The following SLC35A5 variants were observed in gnomAD, a reference collection of about 807,000 sequenced individuals.
SLC35A5 encodes the protein solute carrier family 35 member A5, also known as UDP-sugar transporter protein SLC35A5.
A neutral mutation model predicts 36.3 loss-of-function variants in SLC35A5; 28 were observed. That is an observed-to-expected ratio of 0.77 (90% CI 0.57 to 1.06). SLC35A5 has a LOEUF of 1.06. Among genes scored for constraint, SLC35A5 ranks in the 50% least tolerant of loss-of-function variants. The probability of loss-of-function intolerance (pLI) is 0.00; values close to 1 mark genes in which losing one functional copy is unlikely to be tolerated. For synonymous variants in SLC35A5, 180 were observed against 173.7 expected, an observed-to-expected ratio of 1.04 and a Z score of -0.29; for missense variants, 521 against 499.3, an observed-to-expected ratio of 1.04 and a Z score of -0.41.
intron 5 of SLC35A5, among the ~76,000 whole-genome samples, chr3:112,574,669 T>G (rs1934593118): frequency 7.6e-6 from 1 of 132,234 alleles, no homozygotes; most frequent in South Asian, 2.3e-4. Context: ...ATTAGATTTG[T>G]TTTTTTTAAA....
intron 5 of SLC35A5, among the ~76,000 whole-genome samples, chr3:112,579,731 A>C (rs1313895979): frequency 6.6e-6 from 1 of 152,146 alleles, no homozygotes; most frequent in Non-Finnish European, 1.5e-5. Flanking sequence ...ACACATACTG[A>C]AATCATTTAG....
At chr3:112,565,586 T>A (rs1934159284) in intron 2 of SLC35A5, among the ~76,000 whole-genome samples, 1 of 152,172 alleles carries the variant, frequency 6.6e-6, no homozygotes, top group Admixed American at 6.5e-5. Flanking sequence ...GAGACCAGGC[T>A]GGCCAACATG....
At position 112,582,908 on chromosome 3, in the gene SLC35A5, G is replaced by C; in HGVS notation, c.*172G>C. 1 of 531,326 alleles carries C rather than the reference G, an allele frequency of 1.9e-6. No homozygotes were observed. The highest frequency in any genetic ancestry group is 3.3e-6 in the Non-Finnish European group (1 of 303,594). The allele number at this position is 531,326 out of a possible 1,614,324, so 32.9% of individuals were successfully genotyped here. On this transcript the variant is annotated 3_prime_UTR_variant, in exon 7 of 7. Coordinates refer to ENST00000492406, the MANE Select transcript of SLC35A5 (RefSeq NM_017945.5). ...CATCCAAGGCTTAGAGTACCCAAAGGCTAAGAAATTCTAAAGAACTGATAC... is the reference window on the plus strand; with the variant it reads ...CATCCAAGGCTTAGAGTACCCAAAGCCTAAGAAATTCTAAAGAACTGATAC...
In SLC35A5 at chr3:112,582,696, C is replaced by T; in HGVS notation, c.1235C>T (p.Thr412Ile). The T allele has an allele frequency of 6.2e-7, 1 of 1,612,626 alleles. No individual in the cohort carries two copies. Among genetic ancestry groups the T allele is most frequent in the South Asian group, 1.1e-5 (1 of 90,964 alleles). The change falls in exon 7 of 7, where the codon ACC becomes ATC. Residue 412 changes from threonine to isoleucine, a missense_variant. Thr to Ile is a moderately conservative substitution (Grantham distance 89, BLOSUM62 -1). Coordinates refer to ENST00000492406, the MANE Select transcript of SLC35A5 (RefSeq NM_017945.5). ...SGDGEELERL[T>I]KPKSDESDED... ...GATGGAGAAGAACTAGAAAGACTTA[C>T]CAAACCCAAGAGTGATGAGTCAGAT...
At chr3:112,576,936 C>G (rs1479502376) in intron 5 of SLC35A5, among the ~76,000 whole-genome samples, 3 of 152,012 alleles carry the variant, frequency 2.0e-5, no homozygotes, top group Non-Finnish European at 4.4e-5. Flanking sequence ...CTTAATAGTT[C>G]TATCACATAT....
chr3:112,582,534 T>G, intron 6 of SLC35A5, 137 bp from the exon 7 acceptor site: 1 of 584,108 alleles, frequency 1.7e-6, no homozygotes, highest in Non-Finnish European at 3.0e-6. Context: ...TCCAAGAACA[T>G]AAGTATTTAT....
At position 112,569,171 on chromosome 3, in the gene SLC35A5, A is replaced by G; in HGVS notation, c.131A>G (p.Glu44Gly). 1 of 1,611,092 alleles carries G rather than the reference A, an allele frequency of 6.2e-7. No homozygotes were observed. The highest frequency in any genetic ancestry group is 8.5e-7 in the Non-Finnish European group (1 of 1,178,066). The part of the protein sequence containing the change: ...ILLVKYSANE[E>G]NKYDYLPTTV... ...AAAAAACATTTCTGTTACATTTCAG[A>G]AAACAAGTATGATTATCTTCCAACT... The change falls in exon 3 of 7, where the codon GAA becomes GGA. Residue 44 changes from glutamate to glycine, a missense_variant and splice_region_variant. Coordinates refer to ENST00000492406, the MANE Select transcript of SLC35A5 (RefSeq NM_017945.5).
chr3:112,570,948 A>G (rs984481596), intron 4 of SLC35A5, among the ~76,000 whole-genome samples: 2 of 152,100 alleles, frequency 1.3e-5, no homozygotes, highest in East Asian at 3.9e-4. Context: ...ATGTAACCCT[A>G]ATTAGTATGC....
At chr3:112,565,963 C>T (rs1576743752) in intron 2 of SLC35A5, among the ~76,000 whole-genome samples, 1 of 151,954 alleles carries the variant, frequency 6.6e-6, no homozygotes, top group Admixed American at 6.6e-5. Context: ...AAATGAGGGA[C>T]TGTTATGGTA....
intron 5 of SLC35A5, among the ~76,000 whole-genome samples, chr3:112,575,894 G>A (rs1934649537): frequency 6.6e-6 from 1 of 151,384 alleles, no homozygotes; most frequent in Admixed American, 6.6e-5. Context: ...CAAGTAGCTG[G>A]GAATATAGGT....
upstream of SLC35A5, chr3:112,561,394 C>CGCCT: frequency 3.9e-6 from 6 of 1,542,738 alleles, no homozygotes; most frequent in Non-Finnish European, 5.4e-6. Context: ...ACTCCTGCGG[C>CGCCT]GCCTGGTCCC....
At chr3:112,561,389 T>TG, upstream of SLC35A5, 1 of 1,531,482 alleles carries the variant, frequency 6.5e-7, no homozygotes. Context: ...CGGGGACTCC[T>TG]GCGGCGCCTG....
chr3:112,577,133 G>C (rs2638038), intron 5 of SLC35A5, among the ~76,000 whole-genome samples: 1 of 151,502 alleles, frequency 6.6e-6, no homozygotes, highest in Non-Finnish European at 1.5e-5. Flanking sequence ...AAAAGAATAT[G>C]AGGCTACAAA....
intron 2 of SLC35A5, among the ~76,000 whole-genome samples, chr3:112,568,525 T>C (rs1021392068): frequency 2.6e-5 from 4 of 152,244 alleles, no homozygotes; most frequent in Admixed American, 2.0e-4. Context: ...GATGTAGCTT[T>C]CCAACTCATC....
At chr3:112,580,485 G>T (rs1224882080) in intron 5 of SLC35A5, 61 bp from the exon 6 acceptor site, 6 of 1,492,726 alleles carry the variant, frequency 4.0e-6, no homozygotes, top group Non-Finnish European at 5.4e-6. Flanking sequence ...TGAGTTTTCA[G>T]TAGAAACTAT....
At chr3:112,571,809 C>T (rs1393141565) in intron 4 of SLC35A5, among the ~76,000 whole-genome samples, 1 of 152,060 alleles carries the variant, frequency 6.6e-6, no homozygotes, top group African/African-American at 2.4e-5. Flanking sequence ...TCAGTTATCT[C>T]CACCTGGCTT....
At chr3:112,576,043 A>G (rs893917900) in intron 5 of SLC35A5, among the ~76,000 whole-genome samples, 7 of 152,078 alleles carry the variant, frequency 4.6e-5, no homozygotes, top group Non-Finnish European at 7.4e-5. Context: ...TACAGGTGTG[A>G]GCCACTACGC....
upstream of SLC35A5, chr3:112,561,345 A>C (rs1399495631): frequency 9.0e-7 from 1 of 1,114,674 alleles, no homozygotes; most frequent in Non-Finnish European, 1.3e-6. Flanking sequence ...CTCGAGCCCT[A>C]CTGCCTTCCT....
upstream of SLC35A5, chr3:112,561,654 GGGGAC>G: frequency 1.0e-6 from 1 of 988,496 alleles, no homozygotes; most frequent in Non-Finnish European, 1.5e-6. Flanking sequence ...CAGCACCCGA[GGGGAC>G]GGGACGCGAC....
Sources: allele counts gnomAD v4.1 joint callset (sites outside exome capture counted in the v4.1 genomes callset), GRCh38; gene constraint gnomAD v4.1.1; transcripts MANE v1.5; gene names NCBI Gene and HGNC (gene_info 2026-07-23, HGNC 2026-07-21).